PPP1R16B: variants seen among roughly 807,000 people sequenced by gnomAD.
PPP1R16B encodes the protein protein phosphatase 1 regulatory subunit 16B.
Under a neutral mutation model 61.7 loss-of-function variants are expected in PPP1R16B, and 14 were observed. That is an observed-to-expected ratio of 0.23 (90% CI 0.15 to 0.35). PPP1R16B has a LOEUF of 0.35. Ranked by LOEUF, PPP1R16B falls within the 10% of genes least tolerant of loss-of-function variation. The pLI, the probability that PPP1R16B is intolerant of heterozygous loss-of-function variation, is 1.00. For synonymous variants in PPP1R16B, 266 were observed against 305.3 expected, an observed-to-expected ratio of 0.87 and a Z score of 1.34; for missense variants, 547 against 752.5, an observed-to-expected ratio of 0.73 and a Z score of 3.19.
At chr20:38,852,056 G>T (rs2084972888) in intron 2 of PPP1R16B, among the ~76,000 whole-genome samples, 1 of 152,106 alleles carries the variant, frequency 6.6e-6, no homozygotes, top group African/African-American at 2.4e-5. Context: ...GGGGGGGGAA[G>T]GCCTTGTCAA....
At chr20:38,828,544 A>G (rs928183189) in intron 1 of PPP1R16B, among the ~76,000 whole-genome samples, 12 of 152,240 alleles carry the variant, frequency 7.9e-5, no homozygotes, top group Non-Finnish European at 1.8e-4. Context: ...CCCCTTACTT[A>G]AAGGACCCTG....
chr20:38,854,886 G>T (rs1024735529), intron 2 of PPP1R16B, among the ~76,000 whole-genome samples: 8 of 152,148 alleles, frequency 5.3e-5, no homozygotes, highest in African/African-American at 1.9e-4. Context: ...TCCCCACATT[G>T]CCATAACTAC....
intron 4 of PPP1R16B, among the ~76,000 whole-genome samples, chr20:38,895,920 CCCTCCCT>C (rs2085336565): frequency 4.5e-5 from 4 of 89,142 alleles, no homozygotes; most frequent in African/African-American, 9.9e-5. Flanking sequence ...TTTCTTCCCT[CCCTCCCT>C]CCTTCCTTCT....
intron 1 of PPP1R16B, among the ~76,000 whole-genome samples, chr20:38,810,857 G>A (rs2084696360): frequency 6.6e-6 from 1 of 152,158 alleles, no homozygotes; most frequent in African/African-American, 2.4e-5. Flanking sequence ...CTCACGTCTT[G>A]GGGGGCATCT....
chr20:38,887,100 T>C (rs1456454113), intron 2 of PPP1R16B, among the ~76,000 whole-genome samples: 1 of 151,768 alleles, frequency 6.6e-6, no homozygotes, highest in Admixed American at 6.6e-5. Flanking sequence ...GCATGGATGA[T>C]GGTGGTTGGA....
intron 2 of PPP1R16B, among the ~76,000 whole-genome samples, chr20:38,864,649 C>T (rs1473193312): frequency 1.3e-5 from 2 of 152,152 alleles, no homozygotes; most frequent in Non-Finnish European, 2.9e-5. Flanking sequence ...AACCAGAGGT[C>T]GGACTTCATG....
Position 38,918,178 on chromosome 20 carries a change from G to A in PPP1R16B, c.1216G>A (p.Val406Met), listed in dbSNP as rs948850562. 18 of 1,614,186 alleles carry A rather than the reference G, an allele frequency of 1.1e-5. No homozygotes were observed. The highest frequency in any genetic ancestry group is 4.0e-5 in the African/African-American group (3 of 75,048). ...KDPNPRLEKPVLLSEFPTKIP... is the reference protein window; with the variant it reads ...KDPNPRLEKPMLLSEFPTKIP... ...GCAGAACCCCAGGCTGGAGAAGCCC[G>A]TGCTACTCTCCGAATTTCCTACCAA... Residue 406 changes from valine to methionine, a missense_variant, in exon 11 of 11, where the codon GTG (valine) becomes ATG (methionine). Physicochemically the swap from Val to Met is conservative, Grantham distance 21. Coordinates refer to ENST00000299824, the MANE Select transcript of PPP1R16B (RefSeq NM_015568.4). This position sits in a 1 kb window ranked among gnomAD's most constrained non-coding sequence, Gnocchi z 5.3.
intron 2 of PPP1R16B, among the ~76,000 whole-genome samples, chr20:38,887,837 C>T (rs1404819127): frequency 6.6e-6 from 1 of 152,182 alleles, no homozygotes; most frequent in Non-Finnish European, 1.5e-5. Flanking sequence ...CTCAACCTCC[C>T]CTTCACGCAG....
intron 1 of PPP1R16B, among the ~76,000 whole-genome samples, chr20:38,822,010 A>G (rs2084776409): frequency 6.8e-6 from 1 of 147,204 alleles, no homozygotes; most frequent in African/African-American, 2.5e-5. Flanking sequence ...TATATAATAT[A>G]TATTATATTT....
At chr20:38,830,355 C>T (rs1290926371) in intron 1 of PPP1R16B, among the ~76,000 whole-genome samples, 2 of 152,190 alleles carry the variant, frequency 1.3e-5, no homozygotes, top group South Asian at 2.1e-4. Context: ...ATTATTGCCA[C>T]GAAGATCAAT....
chr20:38,848,326 G>A (rs1318147664), intron 2 of PPP1R16B, among the ~76,000 whole-genome samples: 1 of 152,050 alleles, frequency 6.6e-6, no homozygotes, highest in African/African-American at 2.4e-5. Flanking sequence ...TCTATATTTT[G>A]TTTCCAAAGC....
intron 2 of PPP1R16B, among the ~76,000 whole-genome samples, chr20:38,860,543 G>A (rs2085042188): frequency 6.6e-6 from 1 of 152,222 alleles, no homozygotes. Context: ...CCCTCATTCA[G>A]GTTGGAGGTG....
At chr20:38,894,117 C>A (rs1189434468) in intron 3 of PPP1R16B, among the ~76,000 whole-genome samples, 2 of 151,468 alleles carry the variant, frequency 1.3e-5, no homozygotes, top group Non-Finnish European at 2.9e-5. Context: ...CCCCCCCGCA[C>A]CCCCGCACCC....
chr20:38,836,808 G>T (rs1397417539), intron 2 of PPP1R16B, among the ~76,000 whole-genome samples: 2 of 152,200 alleles, frequency 1.3e-5, no homozygotes, highest in African/African-American at 2.4e-5. Flanking sequence ...AGTATTATAG[G>T]CAGGCCACCT....
intron 2 of PPP1R16B, among the ~76,000 whole-genome samples, chr20:38,854,199 C>T (rs956271621): frequency 6.6e-6 from 1 of 152,196 alleles, no homozygotes; most frequent in Non-Finnish European, 1.5e-5. Context: ...AACACTGCCT[C>T]TCTCTGGGAA....
At chr20:38,858,476 A>T (rs920834179) in intron 2 of PPP1R16B, among the ~76,000 whole-genome samples, 1 of 152,184 alleles carries the variant, frequency 6.6e-6, no homozygotes. Flanking sequence ...AACACAGGGC[A>T]TATCATTTTG....
At chr20:38,898,811 AAACAACAAC>A (rs145367321) in intron 4 of PPP1R16B, among the ~76,000 whole-genome samples, 24 of 150,212 alleles carry the variant, frequency 1.6e-4, no homozygotes, top group South Asian at 4.2e-4. Flanking sequence ...CCTTGTTTCA[AAACAACAAC>A]AACAACAACA....
rs939511433 is a variant in PPP1R16B at position 38,805,711 on chromosome 20, C to T, written c.-183C>T. 283 of 152,310 alleles carry T rather than the reference C, an allele frequency of 1.9e-3. 3 individuals carry two copies. Among genetic ancestry groups the T allele is most frequent in the Non-Finnish European group, 3.5e-3 (237 of 68,126 alleles). The allele number at this position is 152,310 out of a possible 1,614,324, so 9.4% of individuals were successfully genotyped here. A position where few individuals can be genotyped will look rare whatever the true frequency, so the allele number is the denominator to read the frequency against. ...CGCGGCCGAGCAGAGCCAGCTCTGT[C>T]GCCGCTGGAGCAGCTGCGGCTCGGG... On this transcript the variant is annotated 5_prime_UTR_variant, in exon 1 of 11. Transcript: ENST00000299824.
At chr20:38,904,923 C>T (rs553830420) in intron 6 of PPP1R16B, among the ~76,000 whole-genome samples, 15 of 152,296 alleles carry the variant, frequency 9.8e-5, no homozygotes, top group Admixed American at 8.5e-4. Context: ...CATTCATTCT[C>T]ATGGTCATCA....
Sources: allele counts gnomAD v4.1 joint callset (sites outside exome capture counted in the v4.1 genomes callset), GRCh38; gene constraint gnomAD v4.1.1; non-coding constraint Gnocchi (gnomAD v3.1); transcripts MANE v1.5; gene names NCBI Gene and HGNC (gene_info 2026-07-23, HGNC 2026-07-21).